TMEM51: variants seen among roughly 807,000 people sequenced by gnomAD.
TMEM51 encodes chromosome 1 open reading frame 72.
A neutral mutation model predicts 13.6 loss-of-function variants in TMEM51; 8 were observed. The observed-to-expected ratio is 0.59, with a 90% confidence interval of 0.35 to 1.07. TMEM51 has a LOEUF of 1.07. TMEM51 is among the 50% of genes least tolerant of loss of function. The probability of loss-of-function intolerance (pLI) is 0.02; values close to 1 mark genes in which losing one functional copy is unlikely to be tolerated. For missense variants in TMEM51, 279 were observed against 330.7 expected (o/e 0.84, Z 1.21); for synonymous variants, 147 against 144.4 (o/e 1.02, Z -0.13).
intron 3 of TMEM51, among the ~76,000 whole-genome samples, chr1:15,218,713 G>A (rs1644464930): frequency 6.6e-6 from 1 of 152,120 alleles, no homozygotes; most frequent in African/African-American, 2.4e-5. Context: ...ATCAGCATGG[G>A]ACACTCTCAC....
chr1:15,175,872 G>T (rs1028387880), intron 1 of TMEM51, among the ~76,000 whole-genome samples: 1 of 152,144 alleles, frequency 6.6e-6, no homozygotes, highest in Non-Finnish European at 1.5e-5. Flanking sequence ...ATTTGGGTGG[G>T]CGCACAGCCA....
chr1:15,165,260 G>A (rs1184086358), intron 1 of TMEM51, among the ~76,000 whole-genome samples: 2 of 152,062 alleles, frequency 1.3e-5, no homozygotes, highest in Non-Finnish European at 2.9e-5. Context: ...AGGCTACAGT[G>A]AGCCGTGACT....
intron 1 of TMEM51, among the ~76,000 whole-genome samples, chr1:15,157,810 G>T (rs1642639167): frequency 6.6e-6 from 1 of 152,208 alleles, no homozygotes; most frequent in African/African-American, 2.4e-5. Context: ...GGCTTTTAAA[G>T]TTGTCTTCGT....
At chr1:15,215,546 C>A in intron 3 of TMEM51, 115 bp downstream of exon 3, 2 of 973,790 alleles carry the variant, frequency 2.1e-6, no homozygotes, top group Non-Finnish European at 2.9e-6. Flanking sequence ...CTTTATTGTC[C>A]CATGTTCGCC....
At chr1:15,171,647 C>T (rs1300275914) in intron 1 of TMEM51, among the ~76,000 whole-genome samples, 1 of 152,168 alleles carries the variant, frequency 6.6e-6, no homozygotes, top group East Asian at 1.9e-4. Context: ...GTGTAATGGT[C>T]GCTGCTTCAC....
At position 15,157,144 on chromosome 1, in the gene TMEM51, G is replaced by GC. The variant is rs200213181; in HGVS notation, c.-267+3194dup. ...CACACAGCCCTGTCCCTCCCAGACA[G>GC]CCCCAAGATGCTGACCAGAGATAGC... On this transcript the variant is annotated intron_variant, in intron 1 of 3. Coordinates refer to ENST00000376008, the MANE Select transcript of TMEM51 (RefSeq NM_001136218.2). Among the ~76,000 whole-genome samples the GC allele has an allele frequency of 1.8e-3, 274 of 152,308 alleles. 7 individuals are homozygous for GC. The East Asian group carries it at 0.036, about 20-fold the overall frequency.
chr1:15,217,667 G>A (rs1644451865), intron 3 of TMEM51, among the ~76,000 whole-genome samples: 1 of 152,184 alleles, frequency 6.6e-6, no homozygotes, highest in Non-Finnish European at 1.5e-5. Flanking sequence ...GAGAGCAGGA[G>A]AAGATGAAAT....
chr1:15,206,608 C>T (rs1644255422), intron 1 of TMEM51, among the ~76,000 whole-genome samples: 1 of 142,266 alleles, frequency 7.0e-6, no homozygotes, highest in Non-Finnish European at 1.6e-5. Context: ...GATGGTGGGG[C>T]AGATCATTCC....
At chr1:15,194,479 A>G (rs1314402733) in intron 1 of TMEM51, among the ~76,000 whole-genome samples, 1 of 152,186 alleles carries the variant, frequency 6.6e-6, no homozygotes, top group Non-Finnish European at 1.5e-5. Flanking sequence ...CACTGGCCAT[A>G]GCAGTGGGCT....
chr1:15,159,571 T>G (rs892736921), intron 1 of TMEM51, among the ~76,000 whole-genome samples: 19 of 152,356 alleles, frequency 1.2e-4, no homozygotes, highest in African/African-American at 4.1e-4. Flanking sequence ...TTTGTTTTGT[T>G]TTTTGAGACA....
In TMEM51 at chr1:15,207,315, G is replaced by T. The variant is rs1644267883; in HGVS notation, c.-266-3175G>T. ...CCGGGGCCACAGCACAGAACTCAGT[G>T]GTCACGTGAGGGTCTACATCCGATT... On this transcript the variant is annotated intron_variant, in intron 1 of 3. Coordinates refer to ENST00000376008, the MANE Select transcript of TMEM51 (RefSeq NM_001136218.2). The surrounding 1 kb of genome is among the most constrained non-coding windows in gnomAD (Gnocchi z 4.6). Among the ~76,000 whole-genome samples, 1 of 152,198 alleles carries T rather than the reference G, an allele frequency of 6.6e-6. No individual in the cohort carries two copies. Among genetic ancestry groups the T allele is most frequent in the Non-Finnish European group, 1.5e-5 (1 of 68,040 alleles).
chr1:15,168,745 A>G lies in TMEM51; in HGVS notation c.-267+14791A>G, dbSNP rs1041967724. On this transcript the variant is annotated intron_variant, in intron 1 of 3. Transcript: ENST00000376008. ...CTGGGAACGTCTCACAGAAAGGAGC[A>G]GACAAACTTGCTTCCCACAAGAGGG... 3.8e-6 allele frequency: 5 copies of G among 1,304,446 alleles called. No individual in the cohort carries two copies. The African/African-American group carries it at 4.5e-5, about 12-fold the overall frequency. The allele number at this position is 1,304,446 out of a possible 1,614,324, so 80.8% of individuals were successfully genotyped here.
chr1:15,196,568 G>C (rs936217477), intron 1 of TMEM51, among the ~76,000 whole-genome samples: 2 of 152,122 alleles, frequency 1.3e-5, no homozygotes, highest in East Asian at 3.8e-4. Flanking sequence ...TTCCTGGGCT[G>C]GTCTCAAACT....
chr1:15,208,597 AT>A (rs1386439378), intron 1 of TMEM51, among the ~76,000 whole-genome samples: 3 of 152,196 alleles, frequency 2.0e-5, no homozygotes, highest in African/African-American at 7.2e-5. Context: ...ACAAAGAAAT[AT>A]GCTGTCTCTA....
chr1:15,171,758 G>C (rs1295391366), intron 1 of TMEM51, among the ~76,000 whole-genome samples: 1 of 152,154 alleles, frequency 6.6e-6, no homozygotes, highest in Non-Finnish European at 1.5e-5. Context: ...GCTTAACCAA[G>C]CCCGCACAGC....
intron 1 of TMEM51, among the ~76,000 whole-genome samples, chr1:15,176,174 A>G (rs1479123330): frequency 6.6e-6 from 1 of 152,174 alleles, no homozygotes; most frequent in African/African-American, 2.4e-5. Context: ...TGCTCAGTCA[A>G]TGTTTATTGA....
chr1:15,189,453 C>T (rs963493122), intron 1 of TMEM51, among the ~76,000 whole-genome samples: 23 of 152,130 alleles, frequency 1.5e-4, no homozygotes, highest in Admixed American at 1.5e-3. Context: ...ACCTCTCTGG[C>T]TGCCTCCATT....
intron 1 of TMEM51, among the ~76,000 whole-genome samples, chr1:15,166,035 T>G (rs7543858): frequency 0.24 from 36,988 of 152,094 alleles, 4,911 homozygotes; most frequent in African/African-American, 0.35. Context: ...AAAGCATGGA[T>G]ACCATCATAG....
chr1:15,191,460 C>T (rs1239725113), intron 1 of TMEM51, among the ~76,000 whole-genome samples: 8 of 152,208 alleles, frequency 5.3e-5, no homozygotes, highest in Non-Finnish European at 2.9e-5. Context: ...TTTTCACCCA[C>T]GTCGAGTCAG....
Sources: allele counts gnomAD v4.1 joint callset (sites outside exome capture counted in the v4.1 genomes callset), GRCh38; gene constraint gnomAD v4.1.1; non-coding constraint Gnocchi (gnomAD v3.1); transcripts MANE v1.5; gene names NCBI Gene and HGNC (gene_info 2026-07-23, HGNC 2026-07-21).